The following COL4A6 variants were observed in gnomAD, a reference collection of about 807,000 sequenced individuals.
COL4A6 encodes collagen alpha-6(IV) chain.
COL4A6 carries 59 observed loss-of-function variants against 126.7 expected under a neutral mutation model. The observed-to-expected ratio is 0.47, with a 90% confidence interval of 0.38 to 0.58. The LOEUF is 0.58. Among genes scored for constraint, COL4A6 ranks in the 20% least tolerant of loss-of-function variants. The probability of loss-of-function intolerance (pLI) is 0.00; values close to 1 mark genes in which losing one functional copy is unlikely to be tolerated. For synonymous variants in COL4A6, 547 were observed against 496.6 expected (o/e 1.10, Z -1.35); for missense variants, 1,285 against 1,337.3 (o/e 0.96, Z 0.61).
intron 3 of COL4A6, among the ~76,000 whole-genome samples, chrX:108,305,933 C>G (rs1273103377): frequency 8.9e-6 from 1 of 111,762 alleles, no homozygotes; most frequent in Non-Finnish European, 1.9e-5. Flanking sequence ...ATTGACAATG[C>G]CAATCAGAAA....
chrX:108,382,198 T>C (rs1387913176), intron 2 of COL4A6, among the ~76,000 whole-genome samples: 2 of 111,470 alleles, frequency 1.8e-5, no homozygotes, highest in African/African-American at 6.5e-5. Flanking sequence ...CCAATACAAA[T>C]ATACCATTTT....
At chrX:108,271,040 T>A (rs995856061) in intron 3 of COL4A6, among the ~76,000 whole-genome samples, 5 of 112,340 alleles carry the variant, frequency 4.5e-5, no homozygotes, top group African/African-American at 1.3e-4. Context: ...TGGAGCAGGA[T>A]GCCAACAGCT....
chrX:108,270,132 GC>G (rs1383960496), intron 3 of COL4A6, among the ~76,000 whole-genome samples: 1 of 111,929 alleles, frequency 8.9e-6, no homozygotes. Flanking sequence ...AATAATTTCA[GC>G]TTTCTGAGTC....
chrX:108,251,593 A>T (rs768086367), intron 3 of COL4A6, among the ~76,000 whole-genome samples: 8 of 112,232 alleles, frequency 7.1e-5, no homozygotes, highest in African/African-American at 2.6e-4. Flanking sequence ...TTTATTATAC[A>T]TTTACTGCCT....
intron 2 of COL4A6, among the ~76,000 whole-genome samples, chrX:108,316,583 T>C (rs1165005358): frequency 1.8e-5 from 2 of 111,115 alleles, no homozygotes; most frequent in African/African-American, 3.3e-5. Flanking sequence ...TCCTGGGAAA[T>C]TGTTAGAGTT....
chrX:108,195,692 G>A (rs1231350706), intron 14 of COL4A6, among the ~76,000 whole-genome samples: 9 of 112,023 alleles, frequency 8.0e-5, no homozygotes, highest in Non-Finnish European at 1.7e-4. Flanking sequence ...AGGCTGGGTG[G>A]TATTATACTT....
intron 41 of COL4A6, among the ~76,000 whole-genome samples, chrX:108,161,940 T>C (rs1239294401): frequency 8.9e-6 from 1 of 112,397 alleles, no homozygotes; most frequent in Admixed American, 9.3e-5. Context: ...CCTGGGGCAG[T>C]GCCCTCAACT....
intron 3 of COL4A6, among the ~76,000 whole-genome samples, chrX:108,273,529 C>T (rs2037513436): frequency 8.9e-6 from 1 of 112,075 alleles, no homozygotes. Flanking sequence ...GACACATGCA[C>T]ACGTATGTTT....
rs2033940392 is a variant in COL4A6, at chrX:108,161,610, T to C, written c.4333+9A>G. The C allele has an allele frequency of 1.9e-6, 1 of 535,497 alleles. No individual in the cohort carries two copies. The highest frequency in any genetic ancestry group is 3.7e-5 in the Admixed American group (1 of 26,721). The allele number at this position is 535,497 out of a possible 1,213,427, so 44.1% of individuals were successfully genotyped here. ...GCCCCGCCCGCCTCCTAATGTGGCA[T>C]CATCAGACCTTCAAATCCTGGAGGG... On this transcript the variant is annotated intron_variant, in intron 42 of 44. Coordinates refer to ENST00000334504, the MANE Select transcript of COL4A6 (RefSeq NM_033641.4).
At position 108,159,502 on chromosome X, in the gene COL4A6, AG is replaced by A; in HGVS notation, c.4771del (p.Leu1591TrpfsTer34). 1 of 1,212,272 alleles carries A rather than the reference AG, an allele frequency of 8.2e-7. No individual in the cohort carries two copies. The highest frequency in any genetic ancestry group is 1.8e-5 in the South Asian group (1 of 57,025). ...CCCAATCCAGAGGCTGCGCCAGCCC[AG>A]GGGGCACTGCGGGATGGTGATGTCC... Reference protein sequence around the residue: ...SQDITIPQCPLGWRSLWIGYS... With the variant: ...SQDITIPQCPXGWRSLWIGYS... On this transcript the variant is annotated frameshift_variant, in exon 44 of 45. Transcript: ENST00000334504. LOFTEE classifies it high-confidence loss of function.
chrX:108,348,343 T>C (rs1355824820), intron 2 of COL4A6, among the ~76,000 whole-genome samples: 1 of 101,482 alleles, frequency 9.9e-6, no homozygotes, highest in Non-Finnish European at 2.0e-5. Context: ...ATTTCCTTTA[T>C]TGTAGGGCTA....
intron 3 of COL4A6, chrX:108,269,051 G>A (rs750563767): frequency 1.5e-5 from 5 of 331,406 alleles, no homozygotes; most frequent in Non-Finnish European, 2.9e-5. Flanking sequence ...CCTCCTTGCT[G>A]TGGCTGAGCC....
chrX:108,348,353 AT>A (rs5903320), intron 2 of COL4A6, among the ~76,000 whole-genome samples: 1 of 108,566 alleles, frequency 9.2e-6, no homozygotes, highest in African/African-American at 3.3e-5. Flanking sequence ...TTGTAGGGCT[AT>A]TTTTTTTTGG....
chrX:108,249,443 G>GGA (rs1367427158), intron 3 of COL4A6, among the ~76,000 whole-genome samples: 1 of 111,710 alleles, frequency 9.0e-6, no homozygotes, highest in African/African-American at 3.3e-5. Context: ...AAAAGCCTGA[G>GGA]CAAACACAAT....
chrX:108,162,839 G>C, intron 41 of COL4A6, 53 bp downstream of exon 41: 1 of 1,098,823 alleles, frequency 9.1e-7, no homozygotes, highest in Non-Finnish European at 1.2e-6. Context: ...CAGCCTCTCA[G>C]CCAAACTGTC....
chrX:108,213,038 C>T (rs142473388), intron 6 of COL4A6, among the ~76,000 whole-genome samples: 1 of 111,063 alleles, frequency 9.0e-6, no homozygotes, highest in Non-Finnish European at 1.9e-5. Context: ...CTTTCCTTAC[C>T]TCCCCACCCC....
intron 2 of COL4A6, among the ~76,000 whole-genome samples, chrX:108,389,990 C>G (rs962207329): frequency 9.0e-6 from 1 of 111,646 alleles, no homozygotes; most frequent in African/African-American, 3.3e-5. Flanking sequence ...ACTTATGAAG[C>G]TTAGTTTGGC....
At position 108,164,692 on chromosome X, in the gene COL4A6, C is replaced by G; in HGVS notation, c.3977G>C (p.Arg1326Thr). The part of the protein sequence containing the change: ...LPGELGLKGM[R>T]GEPGFMGTPG... ...AGTCCCCATGAAGCCAGGCTCACCTCTCATGCCTGACAAAGCCCAAAGGAA... is the reference window on the plus strand; with the variant it reads ...AGTCCCCATGAAGCCAGGCTCACCTGTCATGCCTGACAAAGCCCAAAGGAA... The change falls in exon 40 of 45, where the codon AGA (arginine) becomes ACA (threonine). Residue 1326 changes from arginine to threonine, a missense_variant. Physicochemically the swap from Arg to Thr is moderately conservative, Grantham distance 71 (BLOSUM62 -1). Coordinates refer to ENST00000334504, the MANE Select transcript of COL4A6 (RefSeq NM_033641.4). The G allele has an allele frequency of 8.3e-7, 1 of 1,211,132 alleles. No individual in the cohort carries two copies. Among genetic ancestry groups the G allele is most frequent in the Non-Finnish European group, 1.1e-6 (1 of 895,066 alleles).
chrX:108,219,553 T>C, intron 5 of COL4A6, 145 bp downstream of exon 5: 1 of 546,073 alleles, frequency 1.8e-6, no homozygotes, highest in Non-Finnish European at 3.1e-6. Context: ...GTGTGACCAC[T>C]GCCCTTTAAA....
Sources: allele counts gnomAD v4.1 joint callset (sites outside exome capture counted in the v4.1 genomes callset), GRCh38; gene constraint gnomAD v4.1.1; transcripts MANE v1.5; gene names NCBI Gene and HGNC (gene_info 2026-07-23, HGNC 2026-07-21).